ERMP1: variants seen among roughly 807,000 people sequenced by gnomAD.
The protein encoded by ERMP1 is Felix-ina.
A neutral mutation model predicts 92.0 loss-of-function variants in ERMP1; 86 were observed. The ratio of observed to expected loss-of-function variants is 0.93; its 90% CI spans 0.79 to 1.12. The LOEUF (loss-of-function observed/expected upper bound fraction) is 1.12. Ranked by LOEUF, ERMP1 falls within the 50% of genes most tolerant of loss-of-function variation. ERMP1 has a pLI of 0.00. For missense variants in ERMP1, 1,342 were observed against 1,116.3 expected (o/e 1.20, Z -2.88); for synonymous variants, 530 against 412.8 (o/e 1.28, Z -3.44).
intron 13 of ERMP1, among the ~76,000 whole-genome samples, chr9:5,792,240 G>A (rs1586765589): frequency 1.3e-5 from 2 of 152,116 alleles, no homozygotes; most frequent in South Asian, 4.1e-4. Flanking sequence ...CCAGGCAACA[G>A]GAAATCCATC....
intron 5 of ERMP1, among the ~76,000 whole-genome samples, chr9:5,864,976 G>A (rs1006225625): frequency 9.2e-5 from 14 of 151,658 alleles, no homozygotes; most frequent in African/African-American, 3.2e-4. Flanking sequence ...GTTGTTTCAT[G>A]GAAAAAAAAA....
intron 6 of ERMP1, among the ~76,000 whole-genome samples, chr9:5,847,662 A>G (rs953143638): frequency 5.3e-5 from 8 of 152,244 alleles, no homozygotes; most frequent in Non-Finnish European, 8.8e-5. Flanking sequence ...TTGGGAGGCC[A>G]AGGCGGGCGG....
chr9:5,794,205 G>T lies in ERMP1; in HGVS notation c.2386+3612C>A, dbSNP rs373853824. ...TCTACATAACAAATGGGTCAAAAAA[G>T]AAGTCTCAAGAAAAAATTTTTAAAT... On this transcript the variant is annotated intron_variant, in intron 13 of 14. Transcript: ENST00000339450. Among the ~76,000 whole-genome samples, 5 of 151,978 alleles carry T rather than the reference G, an allele frequency of 3.3e-5. No individual in the cohort carries two copies. In the East Asian group the frequency reaches 9.7e-4, roughly 29 times the overall value.
chr9:5,811,507 CT>C (rs1036721613), intron 6 of ERMP1, among the ~76,000 whole-genome samples, 184 bp from the exon 7 acceptor site: 1 of 152,140 alleles, frequency 6.6e-6, no homozygotes, highest in Non-Finnish European at 1.5e-5. Flanking sequence ...CTCTCCCTCA[CT>C]TTTTTTACTA....
chr9:5,859,981 C>T (rs571547318), intron 5 of ERMP1, among the ~76,000 whole-genome samples: 2 of 152,172 alleles, frequency 1.3e-5, no homozygotes, highest in East Asian at 3.9e-4. Context: ...TTCTTACATG[C>T]TAAATAAGCT....
Position 5,833,069 on chromosome 9 carries a change from G to T in ERMP1, c.-42C>A, listed in dbSNP as rs763373823. 20 of 1,405,144 alleles carry T rather than the reference G, an allele frequency of 1.4e-5. 1 individual carries two copies. Among genetic ancestry groups the T allele is most frequent in the East Asian group, 5.8e-5 (2 of 34,214 alleles). The allele number at this position is 1,405,144 out of a possible 1,614,324, so 87.0% of individuals were successfully genotyped here. On this transcript the variant is annotated 5_prime_UTR_variant, in exon 1 of 15. Transcript: ENST00000339450. ...TGCCAGCCCAACCGCCCCAACCCGC[G>T]ACAGCCCCGGCCGCCGCCGACGCCG...
intron 7 of ERMP1, 116 bp downstream of exon 7, chr9:5,810,995 C>A (rs1829068562): frequency 7.9e-6 from 5 of 630,134 alleles, no homozygotes; most frequent in Admixed American, 3.1e-5. Context: ...CAATATAAAG[C>A]AAACATTGTC....
intron 6 of ERMP1, among the ~76,000 whole-genome samples, chr9:5,844,935 T>C (rs1243300194): frequency 1.3e-5 from 2 of 152,192 alleles, no homozygotes; most frequent in Non-Finnish European, 2.9e-5. Flanking sequence ...GTCAGCCTTG[T>C]GGTTTTCTTC....
intron 13 of ERMP1, 102 bp downstream of exon 13, chr9:5,797,715 A>G: frequency 2.8e-6 from 2 of 723,594 alleles, no homozygotes; most frequent in Non-Finnish European, 4.8e-6. Context: ...GCTCTTCCTA[A>G]GTTGCTGGTT....
intron 13 of ERMP1, among the ~76,000 whole-genome samples, chr9:5,788,961 G>T (rs1423227406): frequency 2.6e-5 from 4 of 152,096 alleles, no homozygotes; most frequent in Non-Finnish European, 5.9e-5. Context: ...CATAAAGACA[G>T]GAGAAATACT....
intron 13 of ERMP1, among the ~76,000 whole-genome samples, chr9:5,788,531 A>G (rs960195797): frequency 3.9e-5 from 6 of 152,218 alleles, no homozygotes; most frequent in Admixed American, 2.0e-4. Flanking sequence ...AGAGATAAAT[A>G]TTATTCATCC....
At chr9:5,796,031 G>A (rs1165894640) in intron 13 of ERMP1, among the ~76,000 whole-genome samples, 3 of 152,038 alleles carry the variant, frequency 2.0e-5, no homozygotes, top group African/African-American at 4.8e-5. Flanking sequence ...ATTCTATAAG[G>A]AAAACTACAG....
chr9:5,810,115 G>C lies in ERMP1; in HGVS notation c.1444C>G (p.Leu482Val), dbSNP rs1829034141. ...ACATAGAAGTGGTTATACCATGAGA[G>C]AGACTGTCCAATAAGAGAGATGAAC... ...AVFISLIGQSLSWYNHFYVSV... is the reference protein window; with the variant it reads ...AVFISLIGQSVSWYNHFYVSV... Residue 482 changes from leucine to valine, a missense_variant, in exon 8 of 15, where the codon CTC (leucine) becomes GTC (valine). Leu to Val is a conservative substitution (Grantham distance 32). Coordinates refer to ENST00000339450, the MANE Select transcript of ERMP1 (RefSeq NM_024896.3). 6.2e-7 allele frequency: 1 copy of C among 1,613,784 alleles called. No individual in the cohort carries two copies. Among genetic ancestry groups the C allele is most frequent in the Admixed American group, 1.7e-5 (1 of 60,004 alleles).
chr9:5,861,945 C>T (rs1437492031), intron 5 of ERMP1, among the ~76,000 whole-genome samples: 1 of 151,882 alleles, frequency 6.6e-6, no homozygotes, highest in Non-Finnish European at 1.5e-5. Context: ...TCCCTCTAGA[C>T]ACAATCCAAC....
intron 13 of ERMP1, among the ~76,000 whole-genome samples, chr9:5,796,547 A>G (rs2131210347): frequency 6.6e-6 from 1 of 152,218 alleles, no homozygotes; most frequent in East Asian, 1.9e-4. Flanking sequence ...TCAGCAATAA[A>G]AAGAAATGGC....
Position 5,833,098 on chromosome 9 carries a change from T to A in ERMP1, c.-71A>T, listed in dbSNP as rs550768533. ...GCCCCGGCCGCCGCCGACGCCGCCG[T>A]CGCTGCCGCAGCGCCTCCTAGTGAG... On this transcript the variant is annotated 5_prime_UTR_variant, in exon 1 of 15. Coordinates refer to ENST00000339450, the MANE Select transcript of ERMP1 (RefSeq NM_024896.3). 321 of 1,225,104 alleles carry A rather than the reference T, an allele frequency of 2.6e-4. 2 individuals are homozygous for A. In the East Asian group the frequency reaches 6.4e-3, roughly 24 times the overall value. The allele number at this position is 1,225,104 out of a possible 1,614,324, so 75.9% of individuals were successfully genotyped here.
intron 4 of ERMP1, among the ~76,000 whole-genome samples, chr9:5,822,087 C>G (rs973563853): frequency 2.4e-4 from 36 of 151,916 alleles, no homozygotes; most frequent in African/African-American, 8.7e-4. Context: ...AACCCCATCT[C>G]TACAAAAAAA....
chr9:5,843,062 T>G (rs1240328080), intron 6 of ERMP1, among the ~76,000 whole-genome samples: 1 of 152,232 alleles, frequency 6.6e-6, no homozygotes, highest in Non-Finnish European at 1.5e-5. Context: ...AAAGTGCTAT[T>G]ATGTCAGCAA....
chr9:5,850,614 A>G (rs1047494893), intron 6 of ERMP1, among the ~76,000 whole-genome samples: 31 of 152,220 alleles, frequency 2.0e-4, no homozygotes, highest in African/African-American at 7.5e-4. Flanking sequence ...CTCACTCTAC[A>G]TAAGAACTAG....
Sources: allele counts gnomAD v4.1 joint callset (sites outside exome capture counted in the v4.1 genomes callset), GRCh38; gene constraint gnomAD v4.1.1; transcripts MANE v1.5; gene names NCBI Gene and HGNC (gene_info 2026-07-23, HGNC 2026-07-21).